The following PCDHGA10 variants were observed in gnomAD, a reference collection of about 807,000 sequenced individuals.
The protein encoded by PCDHGA10 is protocadherin gamma subfamily A, 10.
PCDHGA10 carries 42 observed loss-of-function variants against 59.5 expected under a neutral mutation model. That is an observed-to-expected ratio of 0.71 (90% CI 0.55 to 0.91). The LOEUF (loss-of-function observed/expected upper bound fraction) is 0.91, where lower values mean the gene tolerates loss of function less well. Ranked by LOEUF, PCDHGA10 falls within the 40% of genes least tolerant of loss-of-function variation. The pLI, the probability that PCDHGA10 is intolerant of heterozygous loss-of-function variation, is 0.00. For synonymous variants in PCDHGA10, 511 were observed against 517.2 expected (o/e 0.99, Z 0.16); for missense variants, 1,111 against 1,198.2 (o/e 0.93, Z 1.07).
At chr5:141,420,175 T>C (rs901184536) in intron 1 of PCDHGA10, 6 of 1,614,004 alleles carry the variant, frequency 3.7e-6, no homozygotes, top group Non-Finnish European at 5.1e-6. Context: ...CATCTGTTGA[T>C]CATTGTCCAG....
intron 1 of PCDHGA10, among the ~76,000 whole-genome samples, chr5:141,453,101 T>TTTTTG (rs879618609): frequency 3.2e-4 from 49 of 152,130 alleles, no homozygotes; most frequent in Middle Eastern, 6.8e-3. Flanking sequence ...TTCTGTTGCT[T>TTTTTG]TTTTGTTTTG....
In PCDHGA10 at chr5:141,413,832, C is replaced by T; in HGVS notation, c.657C>T (p.Ser219=). Residue 219 remains serine (S), a synonymous_variant, in exon 1 of 4, where the codon TCC becomes TCT. Transcript: ENST00000398610. ...TTCACCACCTGGTCCTCACCGCCTC[C>T]GACGGGGGTGACCCTCTCCGATCTG... ...EAIHHLVLTA[S]DGGDPLRSGT... 1 of 1,613,228 alleles carries T rather than the reference C, an allele frequency of 6.2e-7. No homozygotes were observed.
At chr5:141,420,551 ATTTTTACGGCATGGT>A (rs2096505176) in intron 1 of PCDHGA10, 3 of 266,550 alleles carry the variant, frequency 1.1e-5, no homozygotes, top group Admixed American at 5.1e-5. Context: ...ATACAGGTAT[ATTTTTACGGCATGGT>A]ATTTTAATTG....
At position 141,491,458 on chromosome 5, in the gene PCDHGA10, G is replaced by T. The variant is rs867069360; in HGVS notation, c.2437-3349G>T. 1.9e-6 allele frequency: 3 copies of T among 1,613,974 alleles called. No homozygotes were observed. The highest frequency in any genetic ancestry group is 1.6e-4 in the Middle Eastern group (1 of 6,084). On this transcript the variant is annotated intron_variant, in intron 1 of 3. Coordinates refer to ENST00000398610, the MANE Select transcript of PCDHGA10 (RefSeq NM_018913.3). This position sits in a 1 kb window ranked among gnomAD's most constrained non-coding sequence, Gnocchi z 6.9. ...CAGGCGCCAGGACTCACCCTCCCCGGACTTCTATAAGCAGTCCAGCCCCAA... is the reference window on the plus strand; with the variant it reads ...CAGGCGCCAGGACTCACCCTCCCCGTACTTCTATAAGCAGTCCAGCCCCAA...
Position 141,422,656 on chromosome 5 carries a change from G to T in PCDHGA10, c.2436+7045G>T, listed in dbSNP as rs759548203. The T allele has an allele frequency of 7.5e-6, 12 of 1,609,898 alleles. 1 individual carries two copies. The African/African-American group carries it at 1.1e-4, about 14-fold the overall frequency. On this transcript the variant is annotated intron_variant, in intron 1 of 3. Transcript: ENST00000398610. The stretch of plus-strand genomic sequence containing the variant: ...GGGTGCCTCCATCTTCTCAGTGACC[G>T]CCCTCGACCCGGACAGCAAACAGAA...
rs749528675 is a variant in PCDHGA10, at chr5:141,490,604, A to G, written c.2437-4203A>G. On this transcript the variant is annotated intron_variant, in intron 1 of 3. Coordinates refer to ENST00000398610, the MANE Select transcript of PCDHGA10 (RefSeq NM_018913.3). This position sits in a 1 kb window ranked among gnomAD's most constrained non-coding sequence, Gnocchi z 5.4. ...GTCAATGACAATGCACCCCGCTTCA[A>G]CCAGCAGCTTTACACTGCTTACATC... is the stretch of plus-strand genomic sequence containing the variant. 13 of 1,614,192 alleles carry G rather than the reference A, an allele frequency of 8.1e-6. No homozygotes were observed. Among genetic ancestry groups the G allele is most frequent in the Non-Finnish European group, 1.1e-5 (13 of 1,180,022 alleles).
chr5:141,414,990 C>A lies in PCDHGA10; in HGVS notation c.1815C>A (p.Asn605Lys), dbSNP rs1442265707. Reference sequence around the variant, plus strand: ...CGGTGGACAGAGACTCCGGCCAGAACGCCTGGCTGTCCTACCGTCTGCTCA... The same window carrying A: ...CGGTGGACAGAGACTCCGGCCAGAAAGCCTGGCTGTCCTACCGTCTGCTCA... ...VVAVDRDSGQ[N>K]AWLSYRLLKA... The change falls in exon 1 of 4, where the codon AAC becomes AAA. Residue 605 changes from asparagine (N) to lysine (K), a missense_variant. Physicochemically the swap from Asn to Lys is moderately conservative, Grantham distance 94 (BLOSUM62 0). Coordinates refer to ENST00000398610, the MANE Select transcript of PCDHGA10 (RefSeq NM_018913.3). The A allele has an allele frequency of 3.1e-6, 5 of 1,613,794 alleles. No individual in the cohort carries two copies. Among genetic ancestry groups the A allele is most frequent in the Admixed American group, 1.7e-5 (1 of 60,028 alleles).
At chr5:141,416,287 T>A (rs2096012467) in intron 1 of PCDHGA10, 1 of 152,276 alleles carries the variant, frequency 6.6e-6, no homozygotes, top group Admixed American at 6.5e-5. Flanking sequence ...ATTCTCTAAT[T>A]TCACACTGCT....
chr5:141,476,741 A>G lies in PCDHGA10; in HGVS notation c.2437-18066A>G, dbSNP rs1430298222. On this transcript the variant is annotated intron_variant, in intron 1 of 3. Transcript: ENST00000398610. The surrounding 1 kb of genome is among the most constrained non-coding windows in gnomAD (Gnocchi z 7.6). ...CGCCCTGGACCGAGAACGGGAGCCT[A>G]GTCTCCAGTTAGTGCTGACGGCGTT... The G allele has an allele frequency of 6.2e-7, 1 of 1,613,936 alleles. No individual in the cohort carries two copies. Among genetic ancestry groups the G allele is most frequent in the Non-Finnish European group, 8.5e-7 (1 of 1,180,032 alleles).
At chr5:141,430,373 A>G (rs1456234962) in intron 1 of PCDHGA10, among the ~76,000 whole-genome samples, 1 of 151,170 alleles carries the variant, frequency 6.6e-6, no homozygotes, top group Non-Finnish European at 1.5e-5. Flanking sequence ...GGGAAAAAAA[A>G]GCTCATTGGG....
intron 1 of PCDHGA10, chr5:141,423,522 G>A: frequency 6.2e-7 from 1 of 1,613,850 alleles, no homozygotes; most frequent in South Asian, 1.1e-5. Context: ...CGGACTCGCA[G>A]AAGAGTCACC....
Position 141,490,387 on chromosome 5 carries a change from G to C in PCDHGA10, c.2437-4420G>C. 2 of 1,614,196 alleles carry C rather than the reference G, an allele frequency of 1.2e-6. No individual in the cohort carries two copies. The highest frequency in any genetic ancestry group is 1.7e-6 in the Non-Finnish European group (2 of 1,180,034). On this transcript the variant is annotated intron_variant, in intron 1 of 3. Transcript: ENST00000398610. This position sits in a 1 kb window ranked among gnomAD's most constrained non-coding sequence, Gnocchi z 5.4. ...GCGAGACCGGGACTCAGGTAGAAATGGTGAAGTGAGCCTTGATATCTCTCC... is the reference window on the plus strand; with the variant it reads ...GCGAGACCGGGACTCAGGTAGAAATCGTGAAGTGAGCCTTGATATCTCTCC...
Position 141,422,497 on chromosome 5 carries a change from A to G in PCDHGA10, c.2436+6886A>G, listed in dbSNP as rs1257927470. 1.9e-6 allele frequency: 3 copies of G among 1,613,874 alleles called. No homozygotes were observed. In the African/African-American group the frequency reaches 4.0e-5, roughly 22 times the overall value. On this transcript the variant is annotated intron_variant, in intron 1 of 3. Transcript: ENST00000398610. Reference sequence around the variant, plus strand: ...GGTCCAGAGCTACAATATAACGTTGACAGCCACAGACCAGGGAAGCCCGCC... The same window carrying G: ...GGTCCAGAGCTACAATATAACGTTGGCAGCCACAGACCAGGGAAGCCCGCC...
At chr5:141,445,249 G>A (rs1337658576) in intron 1 of PCDHGA10, among the ~76,000 whole-genome samples, 2 of 152,170 alleles carry the variant, frequency 1.3e-5, no homozygotes, top group South Asian at 4.1e-4. Flanking sequence ...ACTATATTGT[G>A]TGAGAATATA....
At position 141,487,501 on chromosome 5, in the gene PCDHGA10, T is replaced by C. The variant is rs746285663; in HGVS notation, c.2437-7306T>C. 1.2e-6 allele frequency: 2 copies of C among 1,614,232 alleles called. No individual in the cohort carries two copies. The highest frequency in any genetic ancestry group is 3.3e-5 in the Admixed American group (2 of 60,028). ...ACTCTCATGGCTGTACACCCTTGGC[T>C]TCTGCACCCACTCGGAGTGATAGCT... On this transcript the variant is annotated intron_variant, in intron 1 of 3. Coordinates refer to ENST00000398610, the MANE Select transcript of PCDHGA10 (RefSeq NM_018913.3). The surrounding 1 kb of genome is among the most constrained non-coding windows in gnomAD (Gnocchi z 5.0).
chr5:141,433,843 A>C (rs2097657951), intron 1 of PCDHGA10, among the ~76,000 whole-genome samples: 1 of 151,956 alleles, frequency 6.6e-6, no homozygotes, highest in African/African-American at 2.4e-5. Context: ...ATCTCAAAAA[A>C]AAAAAAAAAA....
intron 1 of PCDHGA10, chr5:141,421,906 G>C: frequency 6.2e-7 from 1 of 1,613,770 alleles, no homozygotes; most frequent in Non-Finnish European, 8.5e-7. Context: ...AAAGGGCGCA[G>C]TTCCCATTCG....
chr5:141,494,891 C>G, intron 2 of PCDHGA10, 26 bp downstream of exon 2: 1 of 1,614,098 alleles, frequency 6.2e-7, no homozygotes. Flanking sequence ...TCCAGCCCAC[C>G]CTCTTCTCTG....
At chr5:141,492,705 C>T (rs2099743225) in intron 1 of PCDHGA10, among the ~76,000 whole-genome samples, 1 of 152,258 alleles carries the variant, frequency 6.6e-6, no homozygotes, top group South Asian at 2.1e-4. Flanking sequence ...ACCCAGAAGC[C>T]TCGAGCAGGC....
Sources: allele counts gnomAD v4.1 joint callset (sites outside exome capture counted in the v4.1 genomes callset), GRCh38; gene constraint gnomAD v4.1.1; non-coding constraint Gnocchi (gnomAD v3.1); transcripts MANE v1.5; gene names NCBI Gene and HGNC (gene_info 2026-07-23, HGNC 2026-07-21).